DPP6: variants seen among roughly 807,000 people sequenced by gnomAD.
DPP6 encodes A-type potassium channel modulatory protein DPP6.
A neutral mutation model predicts 122.6 loss-of-function variants in DPP6; 69 were observed. The observed-to-expected ratio is 0.56, with a 90% CI of 0.46 to 0.69. The LOEUF (loss-of-function observed/expected upper bound fraction) is 0.69, where lower values mean the gene tolerates loss of function less well. Ranked by LOEUF, DPP6 falls within the 30% of genes least tolerant of loss-of-function variation. The probability of loss-of-function intolerance (pLI) is 0.00; values close to 1 mark genes in which losing one functional copy is unlikely to be tolerated. For synonymous variants in DPP6, 418 were observed against 433.1 expected, an observed-to-expected ratio of 0.97 and a Z score of 0.43; for missense variants, 928 against 1,116.9, an observed-to-expected ratio of 0.83 and a Z score of 2.41.
chr7:153,815,358 G>A, the DPP6 span, among the ~76,000 whole-genome samples: 11 of 152,050 alleles, frequency 7.2e-5, no homozygotes, highest in South Asian at 6.2e-4. Flanking sequence ...CAGAGTGCCT[G>A]GTGAGGAAAT....
the DPP6 span, among the ~76,000 whole-genome samples, chr7:153,808,387 G>A: frequency 2.0e-5 from 3 of 151,356 alleles, no homozygotes; most frequent in East Asian, 2.0e-4. Flanking sequence ...CTGTGTGTGC[G>A]TGTGTGCCTG....
rs190416459 is a variant in DPP6, at chr7:154,431,417, T to A, written c.244-14797T>A. Among the ~76,000 whole-genome samples, 9 of 123,246 alleles carry A rather than the reference T, an allele frequency of 7.3e-5. No homozygotes were observed. The Admixed American group carries it at 7.7e-4, about 11-fold the overall frequency. 80.9% of individuals were successfully genotyped at this position (123,246 alleles called of 152,430 possible). ...TCAGATAGCCGCTGTCGTCAAAACC[T>A]CATGTCAGGCTCTGTTTTTCTTTCC... On this transcript the variant is annotated intron_variant, in intron 1 of 25. Coordinates refer to ENST00000377770, the MANE Select transcript of DPP6 (RefSeq NM_130797.4).
At chr7:154,564,667 A>G (rs1483460030) in intron 4 of DPP6, among the ~76,000 whole-genome samples, 1 of 152,244 alleles carries the variant, frequency 6.6e-6, no homozygotes, top group Non-Finnish European at 1.5e-5. Flanking sequence ...GTTTATAGAA[A>G]GAGCTCACTA....
At chr7:154,351,011 G>A (rs796197505) in intron 1 of DPP6, among the ~76,000 whole-genome samples, 7 of 152,278 alleles carry the variant, frequency 4.6e-5, no homozygotes, top group African/African-American at 1.7e-4. Context: ...GTAGGTTCTG[G>A]AAAATATCTC....
intron 13 of DPP6, among the ~76,000 whole-genome samples, chr7:154,803,655 C>G (rs1027399303): frequency 6.6e-6 from 1 of 152,092 alleles, no homozygotes; most frequent in Non-Finnish European, 1.5e-5. Context: ...ATTCGGGGGT[C>G]GGGGAGGCTG....
chr7:153,886,728 C>T (rs573135895), upstream of DPP6, among the ~76,000 whole-genome samples: 2 of 152,162 alleles, frequency 1.3e-5, no homozygotes, highest in Non-Finnish European at 2.9e-5. Flanking sequence ...CGACGTGTGT[C>T]CCATAGTAAC....
At chr7:153,856,746 A>T in the DPP6 span, among the ~76,000 whole-genome samples, 2 of 152,184 alleles carry the variant, frequency 1.3e-5, no homozygotes, top group African/African-American at 4.8e-5. Context: ...TCAAGTGCTA[A>T]TGACTCATAA....
At chr7:154,443,556 A>G (rs942710829) in intron 1 of DPP6, among the ~76,000 whole-genome samples, 19 of 148,502 alleles carry the variant, frequency 1.3e-4, no homozygotes, top group Non-Finnish European at 1.5e-4. Flanking sequence ...GAATGGATGG[A>G]CGGATGTGGA....
At chr7:154,880,841 G>A (rs4960632) in intron 20 of DPP6, 47 bp from the exon 21 acceptor site, 1 of 1,613,562 alleles carries the variant, frequency 6.2e-7, no homozygotes, top group Non-Finnish European at 8.5e-7. Context: ...AGACAAAGTG[G>A]CAGCAGGATG....
At chr7:154,091,780 A>C (rs948591827) in intron 1 of DPP6, among the ~76,000 whole-genome samples, 1 of 152,040 alleles carries the variant, frequency 6.6e-6, no homozygotes, top group Non-Finnish European at 1.5e-5. Context: ...GATGTACCAG[A>C]TGAAGAGACC....
At chr7:154,268,841 C>A (rs1288664115) in intron 1 of DPP6, among the ~76,000 whole-genome samples, 3 of 151,660 alleles carry the variant, frequency 2.0e-5, no homozygotes, top group African/African-American at 7.3e-5. Context: ...TCTCACAAAA[C>A]TGGACCTGGT....
chr7:154,172,870 G>T (rs781186775), intron 1 of DPP6, among the ~76,000 whole-genome samples: 21 of 152,090 alleles, frequency 1.4e-4, no homozygotes, highest in Non-Finnish European at 2.8e-4. Flanking sequence ...CAAATTGCTG[G>T]GATTACAAGT....
At chr7:153,934,954 C>T (rs575492332) in intron 1 of DPP6, among the ~76,000 whole-genome samples, 10 of 152,298 alleles carry the variant, frequency 6.6e-5, no homozygotes, top group South Asian at 4.1e-4. Flanking sequence ...AACAAGGCTT[C>T]GGCACTGAGG....
the DPP6 span, among the ~76,000 whole-genome samples, chr7:153,839,132 T>G: frequency 2.0e-5 from 3 of 152,200 alleles, no homozygotes; most frequent in Non-Finnish European, 2.9e-5. Context: ...TACACTAATG[T>G]GAACCGTGGC....
Position 154,128,378 on chromosome 7 carries a change from G to A in DPP6, c.243+75315G>A, listed in dbSNP as rs3115116. ...GAGGGTCACTTGAGCCCAGGAATTCGAGACTGGGCAACATAGTGAGACTGT... is the reference window on the plus strand; with the variant it reads ...GAGGGTCACTTGAGCCCAGGAATTCAAGACTGGGCAACATAGTGAGACTGT... On this transcript the variant is annotated intron_variant, in intron 1 of 25. Transcript: ENST00000377770. 7.9e-5 allele frequency among the ~76,000 whole-genome samples: 12 copies of A among 152,282 alleles called. No individual in the cohort carries two copies. In the South Asian group the frequency reaches 8.3e-4, roughly 11 times the overall value.
At chr7:153,787,171 T>G in the DPP6 span, among the ~76,000 whole-genome samples, 1 of 135,050 alleles carries the variant, frequency 7.4e-6, no homozygotes, top group Non-Finnish European at 1.6e-5. Flanking sequence ...AGGATGATCT[T>G]GATCTCCTAA....
chr7:154,853,068 C>T (rs961733252), intron 16 of DPP6, among the ~76,000 whole-genome samples: 3 of 152,178 alleles, frequency 2.0e-5, no homozygotes, highest in African/African-American at 7.2e-5. Flanking sequence ...CCAGGCCTGC[C>T]TCTTAATGTT....
chr7:153,756,088 A>G, the DPP6 span, among the ~76,000 whole-genome samples: 45 of 152,030 alleles, frequency 3.0e-4, no homozygotes, highest in East Asian at 1.9e-4. Flanking sequence ...TTAATAACTC[A>G]TGGTTGCAGG....
chr7:154,005,079 A>G (rs561177899), intron 1 of DPP6, among the ~76,000 whole-genome samples: 50 of 152,320 alleles, frequency 3.3e-4, no homozygotes, highest in African/African-American at 1.2e-3. Flanking sequence ...CATGACCTAC[A>G]AAAAGTAATG....
Sources: gnomAD v4.1 joint callset for allele counts (sites outside exome capture counted in the v4.1 genomes callset) on GRCh38, gnomAD v4.1.1 for gene constraint, MANE v1.5 for transcripts, NCBI Gene and HGNC (gene_info 2026-07-23, HGNC 2026-07-21) for gene names.